Variants in ADAM7 observed in about 807,000 individuals in gnomAD.
ADAM7 encodes the protein disintegrin and metalloproteinase domain-containing protein 7.
A neutral mutation model predicts 102.9 loss-of-function variants in ADAM7; 97 were observed. The observed-to-expected ratio is 0.94, with a 90% CI of 0.80 to 1.12. ADAM7 has a LOEUF of 1.12. ADAM7 is among the 50% of genes most tolerant of loss of function. The pLI, the probability that ADAM7 is intolerant of heterozygous loss-of-function variation, is 0.00. For missense variants in ADAM7, 991 were observed against 908.7 expected (o/e 1.09, Z -1.16); for synonymous variants, 334 against 304.4 (o/e 1.10, Z -1.01).
At chr8:24,450,891 G>T (rs1460132083) in intron 3 of ADAM7, among the ~76,000 whole-genome samples, 1 of 152,134 alleles carries the variant, frequency 6.6e-6, no homozygotes, top group Non-Finnish European at 1.5e-5. Flanking sequence ...GGCCTTTTCT[G>T]CATCTATTGA....
chr8:24,490,948 A>C (rs1268812094), intron 13 of ADAM7, 60 bp downstream of exon 13: 18 of 1,552,164 alleles, frequency 1.2e-5, no homozygotes, highest in Non-Finnish European at 1.1e-5. Context: ...GTAGGATCCA[A>C]GAGTTATCTA....
chr8:24,492,268 C>T lies in ADAM7; in HGVS notation c.1552+170C>T, dbSNP rs1183593180. ...CCTGTCATATTAGTTGATCTTACGT[C>T]TAATATTAACTATCTCAGTATATGA... On this transcript the variant is annotated intron_variant, in intron 14 of 21. Coordinates refer to ENST00000175238, the MANE Select transcript of ADAM7 (RefSeq NM_003817.4). 3 of 705,866 alleles carry T rather than the reference C, an allele frequency of 4.3e-6. No individual in the cohort carries two copies. In the African/African-American group the frequency reaches 5.4e-5, roughly 13 times the overall value. The allele number at this position is 705,866 out of a possible 1,614,324, so 43.7% of individuals were successfully genotyped here. A position where few individuals can be genotyped will look rare whatever the true frequency, so the allele number is the denominator to read the frequency against.
intron 21 of ADAM7, among the ~76,000 whole-genome samples, chr8:24,508,059 G>C (rs1821009627): frequency 6.6e-6 from 1 of 152,160 alleles, no homozygotes; most frequent in African/African-American, 2.4e-5. Flanking sequence ...GAAAGAAAAT[G>C]AGCATGGCTT....
chr8:24,489,430 C>T (rs1453727422), intron 12 of ADAM7, 97 bp downstream of exon 12: 1 of 1,176,584 alleles, frequency 8.5e-7, no homozygotes, highest in Non-Finnish European at 1.1e-6. Context: ...CGTGGTGTTC[C>T]TTGTAAAACT....
chr8:24,485,931 C>G (rs1820128727), intron 10 of ADAM7, among the ~76,000 whole-genome samples: 1 of 152,072 alleles, frequency 6.6e-6, no homozygotes, highest in South Asian at 2.1e-4. Flanking sequence ...TTATGTCGCG[C>G]CTAATTGTTG....
intron 3 of ADAM7, among the ~76,000 whole-genome samples, chr8:24,458,851 ATTG>A (rs1819135407): frequency 6.6e-6 from 1 of 152,156 alleles, no homozygotes; most frequent in East Asian, 1.9e-4. Context: ...GTCTGAATCC[ATTG>A]AAATGTCGAT....
chr8:24,455,194 G>A (rs1009175640), intron 3 of ADAM7, among the ~76,000 whole-genome samples: 2 of 151,372 alleles, frequency 1.3e-5, no homozygotes, highest in South Asian at 4.2e-4. Context: ...CCATATACCC[G>A]CTAACATATA....
intron 3 of ADAM7, among the ~76,000 whole-genome samples, chr8:24,450,245 T>C (rs1818730027): frequency 6.6e-6 from 1 of 152,190 alleles, no homozygotes; most frequent in South Asian, 2.1e-4. Context: ...TTGGGCAGTA[T>C]GGCCATTTTC....
chr8:24,507,674 T>A (rs1820999741), intron 21 of ADAM7, 139 bp downstream of exon 21: 3 of 722,112 alleles, frequency 4.2e-6, no homozygotes, highest in Non-Finnish European at 4.7e-6. Context: ...TAGAATTTTT[T>A]TTTTTTTTTG....
intron 9 of ADAM7, among the ~76,000 whole-genome samples, chr8:24,483,276 C>T (rs1820023192): frequency 2.0e-5 from 3 of 152,102 alleles, no homozygotes; most frequent in Admixed American, 6.6e-5. Flanking sequence ...GAATGTAATA[C>T]AACCTAATAT....
chr8:24,495,194 A>G (rs1820513003), intron 16 of ADAM7, among the ~76,000 whole-genome samples: 1 of 152,188 alleles, frequency 6.6e-6, no homozygotes, highest in African/African-American at 2.4e-5. Flanking sequence ...ATAAGATCCT[A>G]TAGCTCATAG....
chr8:24,508,218 G>A (rs1821015060), intron 21 of ADAM7, among the ~76,000 whole-genome samples: 1 of 152,116 alleles, frequency 6.6e-6, no homozygotes, highest in African/African-American at 2.4e-5. Context: ...CCACCGAAAA[G>A]CAGGGCATTT....
At chr8:24,443,063 C>G (rs891570277) in intron 2 of ADAM7, among the ~76,000 whole-genome samples, 1 of 152,026 alleles carries the variant, frequency 6.6e-6, no homozygotes, top group African/African-American at 2.4e-5. Flanking sequence ...GTAACGAATG[C>G]TTATTATAGA....
intron 15 of ADAM7, among the ~76,000 whole-genome samples, 179 bp downstream of exon 15, chr8:24,492,776 AT>A (rs1426776408): frequency 2.6e-5 from 4 of 152,218 alleles, no homozygotes; most frequent in African/African-American, 7.2e-5. Context: ...TAATAAAAAA[AT>A]ATTCCCCTGT....
At chr8:24,472,495 A>G (rs1819641138) in intron 7 of ADAM7, among the ~76,000 whole-genome samples, 2 of 152,056 alleles carry the variant, frequency 1.3e-5, no homozygotes, top group Non-Finnish European at 2.9e-5. Flanking sequence ...TGAAAGTACA[A>G]TATATTTCCA....
chr8:24,458,264 G>C (rs901496401), intron 3 of ADAM7, among the ~76,000 whole-genome samples: 2 of 152,164 alleles, frequency 1.3e-5, no homozygotes, highest in Non-Finnish European at 2.9e-5. Flanking sequence ...TGACTCTATA[G>C]ATAAGTTTGG....
At chr8:24,492,960 A>T in intron 15 of ADAM7, 83 bp from the exon 16 acceptor site, 1 of 1,357,322 alleles carries the variant, frequency 7.4e-7, no homozygotes, top group East Asian at 2.5e-5. Flanking sequence ...CTAGAAAAAG[A>T]GTGACCGGGA....
intron 7 of ADAM7, among the ~76,000 whole-genome samples, chr8:24,471,662 C>A (rs1819609841): frequency 6.6e-6 from 1 of 152,010 alleles, no homozygotes; most frequent in South Asian, 2.1e-4. Context: ...TGTACGTATG[C>A]TTTATGATGT....
Position 24,509,027 on chromosome 8 carries a change from C to T in ADAM7, c.*481C>T. ...AGTCCTGCAGAAATGCCAAAGAAGG[C>T]AGGGCAGAGCGGCACGGATTCTAGG... is the stretch of plus-strand genomic sequence containing the variant. On this transcript the variant is annotated 3_prime_UTR_variant, in exon 22 of 22. Transcript: ENST00000175238. 1 of 989,576 alleles carries T rather than the reference C, an allele frequency of 1.0e-6. No homozygotes were observed. 61.3% of individuals were successfully genotyped at this position (989,576 alleles called of 1,614,324 possible). A position where few individuals can be genotyped will look rare whatever the true frequency, so the allele number is the denominator to read the frequency against.
Sources: allele counts gnomAD v4.1 joint callset (sites outside exome capture counted in the v4.1 genomes callset), GRCh38; gene constraint gnomAD v4.1.1; transcripts MANE v1.5; gene names NCBI Gene and HGNC (gene_info 2026-07-23, HGNC 2026-07-21).